The following UST variants were observed in gnomAD, a reference collection of about 807,000 sequenced individuals.
The protein encoded by UST is uronyl 2-sulfotransferase, also known as chondroitin sulfate 2-O-sulfotransferase.
UST carries 21 observed loss-of-function variants against 45.6 expected under a neutral mutation model. The ratio of observed to expected loss-of-function variants is 0.46; its 90% CI spans 0.33 to 0.66. The LOEUF is 0.66. Ranked by LOEUF, UST falls within the 30% of genes least tolerant of loss-of-function variation. UST has a pLI of 0.02. For missense variants in UST, 463 were observed against 512.4 expected (o/e 0.90, Z 0.93); for synonymous variants, 215 against 200.6 (o/e 1.07, Z -0.61).
chr6:148,866,161 T>A (rs9386238), intron 1 of UST, among the ~76,000 whole-genome samples: 18 of 97,016 alleles, frequency 1.9e-4, no homozygotes, highest in Admixed American at 5.5e-4. Context: ...TAACTAAATA[T>A]ATTTAGTGAT....
intron 2 of UST, among the ~76,000 whole-genome samples, chr6:148,892,220 G>A (rs1779034078): frequency 6.6e-6 from 1 of 152,108 alleles, no homozygotes; most frequent in Admixed American, 6.5e-5. Context: ...ATCATCATTA[G>A]AGTCTTCAGT....
chr6:148,796,933 G>A (rs1776962305), intron 1 of UST, among the ~76,000 whole-genome samples: 1 of 150,864 alleles, frequency 6.6e-6, no homozygotes, highest in Admixed American at 6.6e-5. Flanking sequence ...CTCCCAAGAA[G>A]CTGAGATTAC....
At chr6:149,023,103 TGTGTGTGTG>T (rs1323793367) in intron 7 of UST, among the ~76,000 whole-genome samples, 4 of 2,414 alleles carry the variant, frequency 1.7e-3, no homozygotes, top group Non-Finnish European at 2.3e-3. Flanking sequence ...TGTTCTATGG[TGTGTGTGTG>T]TGTGTGTGTG....
At position 149,054,439 on chromosome 6, in the gene UST, G is replaced by A. The variant is rs1434246288; in HGVS notation, c.938-19394G>A. On this transcript the variant is annotated intron_variant, in intron 7 of 7. Transcript: ENST00000367463. ...ATCATCTTGCACTTATAGCTAAAAGGTGTCAGACACCTAACATTGTCTTAG... is the reference window on the plus strand; with the variant it reads ...ATCATCTTGCACTTATAGCTAAAAGATGTCAGACACCTAACATTGTCTTAG... Among the ~76,000 whole-genome samples the A allele has an allele frequency of 3.3e-5, 5 of 152,144 alleles. No individual in the cohort carries two copies. In the East Asian group the frequency reaches 9.6e-4, roughly 29 times the overall value.
chr6:149,039,864 CAG>C (rs764911763), intron 7 of UST, among the ~76,000 whole-genome samples: 2 of 152,222 alleles, frequency 1.3e-5, no homozygotes, highest in South Asian at 2.1e-4. Flanking sequence ...TTCTTGAAGA[CAG>C]GGGCCATGAC....
At chr6:148,968,654 C>T (rs995453616) in intron 5 of UST, among the ~76,000 whole-genome samples, 2 of 152,236 alleles carry the variant, frequency 1.3e-5, no homozygotes, top group East Asian at 3.8e-4. Flanking sequence ...TGAAGAGCAA[C>T]TGTTGTCATC....
intron 3 of UST, among the ~76,000 whole-genome samples, chr6:148,944,562 A>T (rs1226965540): frequency 6.6e-6 from 1 of 150,592 alleles, no homozygotes; most frequent in Non-Finnish European, 1.5e-5. Context: ...TAAATTTTTT[A>T]AATCTATTAA....
intron 2 of UST, among the ~76,000 whole-genome samples, chr6:148,930,934 A>C (rs1779909873): frequency 6.6e-6 from 1 of 152,266 alleles, no homozygotes; most frequent in South Asian, 2.1e-4. Context: ...GAAAATAATG[A>C]TGTGATTCAC....
intron 1 of UST, among the ~76,000 whole-genome samples, chr6:148,879,941 C>CTTTTTCTTTTTTCT (rs748312235): frequency 8.2e-5 from 9 of 109,966 alleles, no homozygotes; most frequent in African/African-American, 1.0e-4. Context: ...TTTCTTTTTT[C>CTTTTTCTTTTTTCT]TTTTTTTTTT....
At chr6:148,826,628 C>T (rs72999177) in intron 1 of UST, among the ~76,000 whole-genome samples, 1,603 of 152,296 alleles carry the variant, frequency 0.011, 20 homozygotes, top group Admixed American at 0.021. Flanking sequence ...TAACTTTCAA[C>T]TTTATGTACC....
At chr6:148,768,843 G>T (rs572897827) in intron 1 of UST, among the ~76,000 whole-genome samples, 1 of 152,280 alleles carries the variant, frequency 6.6e-6, no homozygotes, top group South Asian at 2.1e-4. Flanking sequence ...CCCTCTTCGC[G>T]ATACTAGAAC....
At chr6:149,054,117 T>C (rs1203114833) in intron 7 of UST, among the ~76,000 whole-genome samples, 1 of 151,714 alleles carries the variant, frequency 6.6e-6, no homozygotes, top group Non-Finnish European at 1.5e-5. Flanking sequence ...GGGAAAAAAA[T>C]GGAGAAGGAG....
Position 148,748,193 on chromosome 6 carries a change from C to A in UST, c.247+516C>A, listed in dbSNP as rs1775914326. Among the ~76,000 whole-genome samples, 1 of 152,256 alleles carries A rather than the reference C, an allele frequency of 6.6e-6. No individual in the cohort carries two copies. The highest frequency in any genetic ancestry group is 1.5e-5 in the Non-Finnish European group (1 of 68,020). Reference sequence around the variant, plus strand: ...GCAGATCCCCCGCCTGCCCGCCGGCCCTAGTGGCTCCGCGCTGTCCCCGGG... The same window carrying A: ...GCAGATCCCCCGCCTGCCCGCCGGCACTAGTGGCTCCGCGCTGTCCCCGGG... On this transcript the variant is annotated intron_variant, in intron 1 of 7. Transcript: ENST00000367463. The surrounding 1 kb of genome is among the most constrained non-coding windows in gnomAD (Gnocchi z 5.3).
chr6:149,029,203 A>G (rs968110139), intron 7 of UST, among the ~76,000 whole-genome samples: 1 of 151,916 alleles, frequency 6.6e-6, no homozygotes. Context: ...TTCAAACTGC[A>G]CTTTATGAAA....
chr6:148,825,210 G>A (rs1208804080), intron 1 of UST, among the ~76,000 whole-genome samples: 1 of 152,126 alleles, frequency 6.6e-6, no homozygotes, highest in African/African-American at 2.4e-5. Context: ...GAGGGATGTG[G>A]GTTGGCAGTC....
intron 1 of UST, among the ~76,000 whole-genome samples, chr6:148,860,277 C>T (rs911314697): frequency 1.3e-5 from 2 of 152,170 alleles, no homozygotes; most frequent in African/African-American, 4.8e-5. Context: ...GGAGTTCACT[C>T]ATGATTTGGC....
intron 1 of UST, among the ~76,000 whole-genome samples, chr6:148,871,542 T>C (rs1419999951): frequency 2.0e-5 from 3 of 152,152 alleles, no homozygotes; most frequent in Non-Finnish European, 2.9e-5. Context: ...TGAGTTTGAG[T>C]TATTTACTGA....
chr6:148,985,318 G>A (rs77279332), intron 5 of UST, among the ~76,000 whole-genome samples: 1,745 of 152,210 alleles, frequency 0.011, 40 homozygotes, highest in African/African-American at 0.039. Flanking sequence ...CATGGGGTGC[G>A]TATCAGGGAT....
At chr6:148,847,455 T>G (rs1177259740) in intron 1 of UST, among the ~76,000 whole-genome samples, 1 of 152,270 alleles carries the variant, frequency 6.6e-6, no homozygotes, top group African/African-American at 2.4e-5. Flanking sequence ...TGTAATATAG[T>G]TGCTGCCTCA....
Sources: gnomAD v4.1 joint callset for allele counts (sites outside exome capture counted in the v4.1 genomes callset) on GRCh38, gnomAD v4.1.1 for gene constraint, Gnocchi (gnomAD v3.1) non-coding constraint, MANE v1.5 for transcripts, NCBI Gene and HGNC (gene_info 2026-07-23, HGNC 2026-07-21) for gene names.